FSTL1: variants seen among roughly 807,000 people sequenced by gnomAD.
The protein encoded by FSTL1 is follistatin-related protein 1.
A neutral mutation model predicts 45.9 loss-of-function variants in FSTL1; 24 were observed. The ratio of observed to expected loss-of-function variants is 0.52; its 90% CI spans 0.38 to 0.74. The LOEUF (loss-of-function observed/expected upper bound fraction) is 0.74, where lower values mean the gene tolerates loss of function less well. Ranked by LOEUF, FSTL1 falls within the 30% of genes least tolerant of loss-of-function variation. The pLI, the probability that FSTL1 is intolerant of heterozygous loss-of-function variation, is 0.00. For synonymous variants in FSTL1, 120 were observed against 137.6 expected (o/e 0.87, Z 0.89); for missense variants, 340 against 381.8 (o/e 0.89, Z 0.91).
chr3:120,401,128 A>T (rs1221592545), intron 9 of FSTL1, among the ~76,000 whole-genome samples: 2 of 152,200 alleles, frequency 1.3e-5, no homozygotes, highest in Admixed American at 6.5e-5. Flanking sequence ...TTAGAAGCGG[A>T]GAGGTACTGA....
chr3:120,415,270 G>A (rs1937167701), intron 3 of FSTL1, among the ~76,000 whole-genome samples: 1 of 152,160 alleles, frequency 6.6e-6, no homozygotes, highest in Non-Finnish European at 1.5e-5. Context: ...GCACAAGGAT[G>A]TTATTGGTTA....
chr3:120,427,088 A>G (rs998477945), intron 2 of FSTL1, among the ~76,000 whole-genome samples: 2 of 152,190 alleles, frequency 1.3e-5, no homozygotes, highest in African/African-American at 4.8e-5. Context: ...ACCTTCAGAT[A>G]GGCAGAGAAT....
rs1937040807 is a variant in FSTL1, at chr3:120,411,025, G to A, written c.299-41C>T. ...AGAAAACGTGTAATGCGAAGTGAAG[G>A]AAAAAAGAAAATTTTTCTGTATTTC... is the stretch of plus-strand genomic sequence containing the variant. On this transcript the variant is annotated intron_variant, in intron 4 of 10. Coordinates refer to ENST00000295633, the MANE Select transcript of FSTL1 (RefSeq NM_007085.5). 4 of 1,509,452 alleles carry A rather than the reference G, an allele frequency of 2.6e-6. No homozygotes were observed. In the Admixed American group the frequency reaches 5.9e-5, roughly 22 times the overall value. The allele number at this position is 1,509,452 out of a possible 1,614,324, so 93.5% of individuals were successfully genotyped here. A position where few individuals can be genotyped will look rare whatever the true frequency, so the allele number is the denominator to read the frequency against.
At chr3:120,417,074 C>T (rs922367433) in intron 2 of FSTL1, among the ~76,000 whole-genome samples, 1 of 152,166 alleles carries the variant, frequency 6.6e-6, no homozygotes, top group Non-Finnish European at 1.5e-5. Flanking sequence ...GACCTCCAGA[C>T]TCAAGGCTAC....
intron 2 of FSTL1, among the ~76,000 whole-genome samples, chr3:120,449,659 T>C (rs1937838060): frequency 6.6e-6 from 1 of 152,196 alleles, no homozygotes; most frequent in Non-Finnish European, 1.5e-5. Context: ...TTTTAAAAAT[T>C]GTGAAGACCT....
chr3:120,445,094 A>G (rs545819939), intron 2 of FSTL1, among the ~76,000 whole-genome samples: 9 of 149,830 alleles, frequency 6.0e-5, no homozygotes, highest in Admixed American at 1.3e-4. Context: ...GGAATTCAAT[A>G]TAGATTACAG....
chr3:120,430,338 G>A (rs1559742018), intron 2 of FSTL1, among the ~76,000 whole-genome samples: 2 of 152,176 alleles, frequency 1.3e-5, no homozygotes, highest in South Asian at 4.1e-4. Flanking sequence ...GAGTCCCTGG[G>A]CCAACATGCC....
At chr3:120,414,987 T>C (rs1247111766) in intron 3 of FSTL1, among the ~76,000 whole-genome samples, 2 of 148,672 alleles carry the variant, frequency 1.3e-5, no homozygotes, top group Non-Finnish European at 1.5e-5. Context: ...GAATTATCAA[T>C]AAAAAATAAA....
At chr3:120,416,780 G>C (rs1937193818) in intron 2 of FSTL1, among the ~76,000 whole-genome samples, 1 of 152,172 alleles carries the variant, frequency 6.6e-6, no homozygotes, top group Non-Finnish European at 1.5e-5. Context: ...CCTGAAAGTA[G>C]AACTATTCTC....
intron 2 of FSTL1, among the ~76,000 whole-genome samples, chr3:120,435,660 G>C (rs1937537986): frequency 6.6e-6 from 1 of 152,198 alleles, no homozygotes; most frequent in Non-Finnish European, 1.5e-5. Context: ...CCTAGGCAGA[G>C]AAAAGACTTT....
intron 2 of FSTL1, among the ~76,000 whole-genome samples, chr3:120,444,390 G>C (rs2107673198): frequency 6.7e-6 from 1 of 149,754 alleles, no homozygotes; most frequent in African/African-American, 2.6e-5. Flanking sequence ...CCTTCTCCAA[G>C]TTCAGTAGGA....
At chr3:120,425,003 G>T (rs562704108) in intron 2 of FSTL1, among the ~76,000 whole-genome samples, 15 of 152,242 alleles carry the variant, frequency 9.9e-5, no homozygotes, top group African/African-American at 3.6e-4. Context: ...AGGTGGGCAT[G>T]GAAGGCCGAG....
At chr3:120,417,320 C>T (rs1300750452) in intron 2 of FSTL1, among the ~76,000 whole-genome samples, 2 of 152,184 alleles carry the variant, frequency 1.3e-5, no homozygotes, top group Admixed American at 1.3e-4. Context: ...GGCTTTCGAG[C>T]TGAGGTGCTG....
chr3:120,424,897 C>T (rs902764635), intron 2 of FSTL1, among the ~76,000 whole-genome samples: 1 of 151,934 alleles, frequency 6.6e-6, no homozygotes, highest in African/African-American at 2.4e-5. Flanking sequence ...AACATCCCAC[C>T]GACAGCTGCC....
chr3:120,411,371 G>A, intron 4 of FSTL1: 1 of 204,154 alleles, frequency 4.9e-6, no homozygotes, highest in Non-Finnish European at 1.0e-5. Flanking sequence ...CAGGGCTATG[G>A]CTTGGCAGGG....
In FSTL1 at chr3:120,410,932, T is replaced by G; in HGVS notation, c.331+20A>C. On this transcript the variant is annotated intron_variant, in intron 5 of 10. Coordinates refer to ENST00000295633, the MANE Select transcript of FSTL1 (RefSeq NM_007085.5). ...AATGTCCTCCCTGAGATGCACACAG[T>G]AGAAAAAATAGGCACTCACCTGGGC... The G allele has an allele frequency of 6.3e-7, 1 of 1,582,964 alleles. No individual in the cohort carries two copies. Among genetic ancestry groups the G allele is most frequent in the East Asian group, 2.2e-5 (1 of 44,724 alleles).
intron 2 of FSTL1, among the ~76,000 whole-genome samples, chr3:120,440,377 A>G (rs1189049658): frequency 1.3e-5 from 2 of 152,246 alleles, no homozygotes; most frequent in African/African-American, 2.4e-5. Context: ...TGCTGAGTGG[A>G]TGTTACCTAG....
chr3:120,403,482 A>G, intron 7 of FSTL1, 128 bp from the exon 8 acceptor site: 1 of 625,406 alleles, frequency 1.6e-6, no homozygotes, highest in South Asian at 1.9e-5. Flanking sequence ...GCTAACTAAA[A>G]CAGCCTCTCT....
chr3:120,439,192 A>G (rs1475580150), intron 2 of FSTL1, among the ~76,000 whole-genome samples: 1 of 152,186 alleles, frequency 6.6e-6, no homozygotes, highest in Non-Finnish European at 1.5e-5. Context: ...AACACATGAC[A>G]CAACCTCTGA....
Sources: gnomAD v4.1 joint callset for allele counts (sites outside exome capture counted in the v4.1 genomes callset) on GRCh38, gnomAD v4.1.1 for gene constraint, MANE v1.5 for transcripts, NCBI Gene and HGNC (gene_info 2026-07-23, HGNC 2026-07-21) for gene names.